Variants in SEMA4B observed in about 807,000 individuals in gnomAD.
The protein encoded by SEMA4B is semaphorin-4B.
In SEMA4B, 55 loss-of-function variants were observed where a neutral mutation model predicts 88.1. The ratio of observed to expected loss-of-function variants is 0.62; its 90% CI spans 0.50 to 0.78. The LOEUF is 0.78. Among genes scored for constraint, SEMA4B ranks in the 30% least tolerant of loss-of-function variants. The pLI, the probability that SEMA4B is intolerant of heterozygous loss-of-function variation, is 0.00. For missense variants in SEMA4B, 1,062 were observed against 1,111.9 expected, an observed-to-expected ratio of 0.96 and a Z score of 0.64; for synonymous variants, 525 against 473.6, an observed-to-expected ratio of 1.11 and a Z score of -1.41.
At chr15:90,216,014 G>T (rs899037712) in intron 1 of SEMA4B, among the ~76,000 whole-genome samples, 1 of 149,750 alleles carries the variant, frequency 6.7e-6, no homozygotes, top group African/African-American at 2.5e-5. Context: ...TTGAGATGGA[G>T]TTTCACTCTT....
chr15:90,185,489 C>G (rs920103017), intron 1 of SEMA4B, among the ~76,000 whole-genome samples: 1 of 152,222 alleles, frequency 6.6e-6, no homozygotes, highest in African/African-American at 2.4e-5. Flanking sequence ...TCACTGAGCA[C>G]CAAGGTGCTA....
At chr15:90,221,995 A>G (rs1381746927) in intron 7 of SEMA4B, among the ~76,000 whole-genome samples, 2 of 150,620 alleles carry the variant, frequency 1.3e-5, no homozygotes, top group East Asian at 4.0e-4. Context: ...GCTGGAGTGC[A>G]GTGGCACGAT....
intron 1 of SEMA4B, among the ~76,000 whole-genome samples, chr15:90,185,409 G>T (rs1053994209): frequency 1.3e-5 from 2 of 152,382 alleles, no homozygotes; most frequent in African/African-American, 4.8e-5. Context: ...TTCGGAAAAG[G>T]CCTGGGCCCC....
chr15:90,206,413 CT>C (rs1302738626), intron 1 of SEMA4B, among the ~76,000 whole-genome samples: 2 of 152,224 alleles, frequency 1.3e-5, no homozygotes, highest in African/African-American at 4.8e-5. Flanking sequence ...TCTTCACATT[CT>C]GACCTCCCTG....
chr15:90,190,212 A>C (rs1960303621), intron 1 of SEMA4B: 1 of 152,248 alleles, frequency 6.6e-6, no homozygotes, highest in East Asian at 1.9e-4. Flanking sequence ...CCCTCACATC[A>C]GCTTTCTGTG....
In SEMA4B at chr15:90,192,586, CTTTTTTT is replaced by C. The variant is rs67328606; in HGVS notation, c.-122+7520_-122+7526del. Among the ~76,000 whole-genome samples the C allele has an allele frequency of 2.1e-4, 19 of 88,660 alleles. No homozygotes were observed. In the East Asian group the frequency reaches 3.4e-3, roughly 16 times the overall value. The allele number at this position is 88,660 out of a possible 152,430, so 58.2% of individuals were successfully genotyped here. A position where few individuals can be genotyped will look rare whatever the true frequency, so the allele number is the denominator to read the frequency against. On this transcript the variant is annotated intron_variant, in intron 1 of 14. Transcript: ENST00000332496. ...TCCCTTTATTTTCTTTCCCTTGTAG[CTTTTTTT>C]TTTTTTTTTTTTTTGAGATGGAATC...
intron 1 of SEMA4B, among the ~76,000 whole-genome samples, chr15:90,207,472 C>T (rs531239165): frequency 2.0e-5 from 3 of 152,332 alleles, no homozygotes; most frequent in African/African-American, 7.2e-5. Context: ...GCGGTGCACT[C>T]CCTGTGTGCC....
upstream of SEMA4B, among the ~76,000 whole-genome samples, chr15:90,199,233 C>T (rs1960615924): frequency 1.3e-5 from 2 of 152,054 alleles, no homozygotes; most frequent in African/African-American, 4.8e-5. Flanking sequence ...GTAGGGGAAC[C>T]AAGGAGGAAA....
chr15:90,218,688 C>T (rs140177294), intron 3 of SEMA4B, among the ~76,000 whole-genome samples: 1 of 152,266 alleles, frequency 6.6e-6, no homozygotes, highest in African/African-American at 2.4e-5. Flanking sequence ...TGGTGGCAGG[C>T]GCCTGTAGCC....
At chr15:90,210,381 C>T (rs1402781895) in intron 1 of SEMA4B, among the ~76,000 whole-genome samples, 2 of 152,102 alleles carry the variant, frequency 1.3e-5, no homozygotes, top group African/African-American at 4.8e-5. Flanking sequence ...TGAGCATGGA[C>T]GTGTGACCCA....
chr15:90,219,343 G>C (rs1350832874), intron 3 of SEMA4B: 1 of 154,834 alleles, frequency 6.5e-6, no homozygotes, highest in African/African-American at 2.4e-5. Flanking sequence ...CCAGAAAGAA[G>C]CTTGGTTGCA....
rs1365942263 is a variant in SEMA4B at position 90,228,380 on chromosome 15, G to A, written c.2251G>A (p.Gly751Arg). 1.9e-6 allele frequency: 3 copies of A among 1,599,666 alleles called. No individual in the cohort carries two copies. In the South Asian group the frequency reaches 3.4e-5, roughly 18 times the overall value. The change falls in exon 14 of 14, where the codon GGG (glycine) becomes AGG (arginine). Residue 751 changes from glycine to arginine, a missense_variant. By Grantham distance (125) the Gly-to-Arg change is moderately radical. Transcript: ENST00000411539. ...CAGCATGAAAGTCTTCCTGAAGCAGGGGGAATGTGCCAGCGTGCACCCCAA... is the reference window on the plus strand; with the variant it reads ...CAGCATGAAAGTCTTCCTGAAGCAGAGGGAATGTGCCAGCGTGCACCCCAA... Reference protein sequence around the residue: ...RNSMKVFLKQGECASVHPKTC... With the variant: ...RNSMKVFLKQRECASVHPKTC...
At chr15:90,187,029 T>A (rs1156322644) in intron 1 of SEMA4B, among the ~76,000 whole-genome samples, 5 of 152,218 alleles carry the variant, frequency 3.3e-5, no homozygotes, top group South Asian at 4.1e-4. Flanking sequence ...AAACGGAGAC[T>A]TGTGCCTTGG....
upstream of SEMA4B, among the ~76,000 whole-genome samples, chr15:90,200,023 G>C (rs1169823183): frequency 6.6e-6 from 1 of 152,192 alleles, no homozygotes; most frequent in Admixed American, 6.5e-5. Context: ...AGTTCTGGGA[G>C]CCCCTTTAAA....
In SEMA4B at chr15:90,225,320, C is replaced by CGGGT. The variant is rs1567061979; in HGVS notation, c.1446_1449dup (p.His484GlyfsTer5). ...CCACAAGGCAGTGAGCGTGGGCCCC[C>CGGGT]GGGTGCACATCATTGAGGAGCTGCA... On this transcript the variant is annotated frameshift_variant, in exon 11 of 14. Transcript: ENST00000411539. LOFTEE classifies it high-confidence loss of function. The CGGGT allele has an allele frequency of 6.4e-7, 1 of 1,558,958 alleles. No individual in the cohort carries two copies. Among genetic ancestry groups the CGGGT allele is most frequent in the East Asian group, 2.4e-5 (1 of 41,602 alleles).
chr15:90,208,187 G>C (rs936794330), intron 1 of SEMA4B, among the ~76,000 whole-genome samples: 9 of 152,010 alleles, frequency 5.9e-5, no homozygotes, highest in African/African-American at 2.2e-4. Context: ...CTGGGAGACA[G>C]GGGTTGCAGT....
Position 90,224,997 on chromosome 15 carries a change from G to A in SEMA4B, c.1224G>A (p.Lys408=). 6.2e-6 allele frequency: 10 copies of A among 1,613,944 alleles called. No individual in the cohort carries two copies. Among genetic ancestry groups the A allele is most frequent in the African/African-American group, 1.3e-5 (1 of 75,030 alleles). Residue 408 remains lysine (K), a synonymous_variant, in exon 10 of 14, where the codon AAG becomes AAA. Coordinates refer to ENST00000411539, the MANE Select transcript of SEMA4B (RefSeq NM_198925.4). ...TCACCAACAGTGCCCGGGAAAGGAA[G>A]ATCAACTCATCCCTGCAGCTCCCAG... ...ACITNSARER[K]INSSLQLPDR...
intron 1 of SEMA4B, among the ~76,000 whole-genome samples, chr15:90,190,968 C>T (rs747208395): frequency 4.6e-5 from 7 of 152,144 alleles, no homozygotes; most frequent in Non-Finnish European, 1.0e-4. Flanking sequence ...TTGTAGAGAC[C>T]GGGTCTTCCT....
intron 1 of SEMA4B, among the ~76,000 whole-genome samples, chr15:90,213,742 C>A (rs1019690441): frequency 6.6e-6 from 1 of 152,240 alleles, no homozygotes; most frequent in Non-Finnish European, 1.5e-5. Context: ...TAGATAAGCA[C>A]GGGCAACCAG....
Sources: gnomAD v4.1 joint callset for allele counts (sites outside exome capture counted in the v4.1 genomes callset) on GRCh38, gnomAD v4.1.1 for gene constraint, MANE v1.5 for transcripts, NCBI Gene and HGNC (gene_info 2026-07-23, HGNC 2026-07-21) for gene names.